FAT3: variants seen among roughly 807,000 people sequenced by gnomAD.
FAT3 encodes protocadherin Fat 3.
In FAT3, 95 loss-of-function variants were observed where a neutral mutation model predicts 310.2. The observed-to-expected ratio is 0.31, with a 90% CI of 0.26 to 0.36. FAT3 has a LOEUF of 0.36. Ranked by LOEUF, FAT3 falls within the 10% of genes least tolerant of loss-of-function variation. The pLI is 1.00. For missense variants in FAT3, 5,408 were observed against 5,715.6 expected, an observed-to-expected ratio of 0.95 and a Z score of 1.74; for synonymous variants, 2,314 against 2,192.9, an observed-to-expected ratio of 1.06 and a Z score of -1.54.
chr11:92,643,020 A>C (rs1942021902), intron 3 of FAT3, among the ~76,000 whole-genome samples: 1 of 152,236 alleles, frequency 6.6e-6, no homozygotes, highest in Non-Finnish European at 1.5e-5. Flanking sequence ...ACATTATTTC[A>C]GCCTCAGGAT....
intron 3 of FAT3, among the ~76,000 whole-genome samples, chr11:92,618,769 A>G (rs1165104241): frequency 1.3e-5 from 2 of 151,900 alleles, no homozygotes; most frequent in East Asian, 1.9e-4. Flanking sequence ...TCTTCTATAT[A>G]CAAAATCATG....
intron 2 of FAT3, among the ~76,000 whole-genome samples, chr11:92,359,831 AG>A (rs1466444793): frequency 7.0e-6 from 1 of 142,614 alleles, no homozygotes; most frequent in Non-Finnish European, 1.5e-5. Flanking sequence ...ATGGCTGCAT[AG>A]TATTCCATGG....
chr11:92,511,373 C>A (rs1028673083), intron 2 of FAT3, among the ~76,000 whole-genome samples: 1 of 151,794 alleles, frequency 6.6e-6, no homozygotes, highest in Admixed American at 6.6e-5. Context: ...CTGGTTGACT[C>A]TTCTTTTTTT....
rs543948705 is a variant in FAT3, at chr11:92,348,272, C to T, written c.-17-3824C>T. On this transcript the variant is annotated intron_variant, in intron 1 of 27. Coordinates refer to ENST00000525166, the MANE Select transcript of FAT3 (RefSeq NM_001367949.2). ...TGAATTTCAGTATGTGATAATACTA[C>T]TCCATTTATGCTTGTTTTGAAATAT... 2.6e-5 allele frequency among the ~76,000 whole-genome samples: 4 copies of T among 152,180 alleles called. No homozygotes were observed. The South Asian group carries it at 8.3e-4, about 32-fold the overall frequency.
chr11:92,421,383 T>C (rs566111960), intron 2 of FAT3, among the ~76,000 whole-genome samples: 1 of 152,338 alleles, frequency 6.6e-6, no homozygotes, highest in South Asian at 2.1e-4. Context: ...TCTGGTTCTG[T>C]ATTAGGAGGT....
intron 19 of FAT3, among the ~76,000 whole-genome samples, chr11:92,850,650 G>A (rs1041446698): frequency 6.6e-6 from 1 of 152,214 alleles, no homozygotes; most frequent in Non-Finnish European, 1.5e-5. Flanking sequence ...GGCATGGGAT[G>A]TTTACCATTA....
intron 2 of FAT3, among the ~76,000 whole-genome samples, chr11:92,502,040 G>A (rs1224540485): frequency 6.6e-6 from 1 of 151,946 alleles, no homozygotes; most frequent in African/African-American, 2.4e-5. Flanking sequence ...GTAATCACAT[G>A]CTTTTTACAT....
chr11:92,468,847 G>T (rs1175461895), intron 2 of FAT3, among the ~76,000 whole-genome samples: 1 of 152,200 alleles, frequency 6.6e-6, no homozygotes, highest in African/African-American at 2.4e-5. Context: ...TACAGTTGAA[G>T]ATGAGATTTG....
At chr11:92,275,803 A>T (rs1946252967) in intron 1 of FAT3, among the ~76,000 whole-genome samples, 1 of 152,070 alleles carries the variant, frequency 6.6e-6, no homozygotes, top group Non-Finnish European at 1.5e-5. Context: ...ATGTACATTT[A>T]TGCTTGCTTA....
At chr11:92,481,812 G>T (rs138075884) in intron 2 of FAT3, among the ~76,000 whole-genome samples, 1 of 152,014 alleles carries the variant, frequency 6.6e-6, no homozygotes, top group Admixed American at 6.6e-5. Context: ...AAGACTATTC[G>T]GAATAAGTTT....
rs2136182531 is a variant in FAT3, at chr11:92,799,443, G to A, written c.6430G>A (p.Ala2144Thr). Residue 2144 changes from alanine (A) to threonine (T), a missense_variant, in exon 10 of 28, where the codon GCA becomes ACA. By Grantham distance (58) the Ala-to-Thr change is moderately conservative (BLOSUM62 0). This residue lies in a region of FAT3 where 4,588 missense variants were observed against 4,809.8 expected (regional missense o/e 0.95). Transcript: ENST00000525166. Reference protein sequence around the residue: ...PNSGNVILKEAFNSDLSNIEY... With the variant: ...PNSGNVILKETFNSDLSNIEY... ...TTCAGGGAATGTTATTTTAAAGGAA[G>A]CATTCAACTCTGACTTGTCCAACAT... 11 of 1,613,616 alleles carry A rather than the reference G, an allele frequency of 6.8e-6. No homozygotes were observed. Among genetic ancestry groups the A allele is most frequent in the Non-Finnish European group, 9.3e-6 (11 of 1,179,766 alleles).
chr11:92,831,647 C>A lies in FAT3; in HGVS notation c.9507C>A (p.Ser3169=). ...GCATCAATAGGAAGGTCGTGTACTCCCTGGCAGACTCAGCTGGTGGGGTCT... is the reference window on the plus strand; with the variant it reads ...GCATCAATAGGAAGGTCGTGTACTCACTGGCAGACTCAGCTGGTGGGGTCT... ...DIGINRKVVY[S]LADSAGGVFS... Residue 3169 remains serine (S), a synonymous_variant, in exon 14 of 28, where the codon TCC becomes TCA. Coordinates refer to ENST00000525166, the MANE Select transcript of FAT3 (RefSeq NM_001367949.2). 1 of 1,612,882 alleles carries A rather than the reference C, an allele frequency of 6.2e-7. No homozygotes were observed. Among genetic ancestry groups the A allele is most frequent in the Non-Finnish European group, 8.5e-7 (1 of 1,179,634 alleles).
chr11:92,755,215 T>TTTTGTTTGTTTGTTTGTTTGTTTG (rs71305390), intron 4 of FAT3, among the ~76,000 whole-genome samples: 3 of 151,316 alleles, frequency 2.0e-5, no homozygotes, highest in African/African-American at 7.3e-5. Flanking sequence ...AGAGAGTAGT[T>TTTTGTTTGTTTGTTTGTTTGTTTG]TTTGTTTGTT....
intron 2 of FAT3, among the ~76,000 whole-genome samples, chr11:92,500,246 A>G (rs1199946348): frequency 6.6e-6 from 1 of 152,048 alleles, no homozygotes; most frequent in African/African-American, 2.4e-5. Context: ...ATTGTATTGG[A>G]CCATACAGTA....
chr11:92,575,849 A>G lies in FAT3; in HGVS notation c.3607+50901A>G, dbSNP rs138667382. Among the ~76,000 whole-genome samples the G allele has an allele frequency of 5.7e-3, 867 of 152,126 alleles. 7 individuals carry two copies. Among genetic ancestry groups the G allele is most frequent in the African/African-American group, 8.0e-3 (334 of 41,510 alleles). On this transcript the variant is annotated intron_variant, in intron 3 of 27. Coordinates refer to ENST00000525166, the MANE Select transcript of FAT3 (RefSeq NM_001367949.2). ...AGGCTTTTCTTCAGGACTGTTTTCT[A>G]TTTTTTGAGACTAGGAATAGAAAGG...
chr11:92,853,990 T>C (rs1446255580), intron 19 of FAT3, among the ~76,000 whole-genome samples: 6 of 152,132 alleles, frequency 3.9e-5, no homozygotes, highest in Non-Finnish European at 7.4e-5. Context: ...ATCTGCCTCC[T>C]GCCACCATCA....
At chr11:92,401,304 G>C (rs1405121831) in intron 2 of FAT3, among the ~76,000 whole-genome samples, 1 of 152,150 alleles carries the variant, frequency 6.6e-6, no homozygotes, top group African/African-American at 2.4e-5. Flanking sequence ...TGCTCAGTAA[G>C]AGGACCCTCA....
chr11:92,321,333 A>G (rs1476976103), intron 1 of FAT3, among the ~76,000 whole-genome samples: 2 of 151,864 alleles, frequency 1.3e-5, no homozygotes, highest in African/African-American at 4.8e-5. Flanking sequence ...GCTCCTTGGG[A>G]GGCTGAGGCA....
chr11:92,330,969 T>TGG (rs1423840258), intron 1 of FAT3, among the ~76,000 whole-genome samples: 4 of 99,022 alleles, frequency 4.0e-5, no homozygotes, highest in African/African-American at 6.0e-5. Context: ...GTAAAGGGTG[T>TGG]GTGTGTGTGT....
Sources: allele counts gnomAD v4.1 joint callset (sites outside exome capture counted in the v4.1 genomes callset), GRCh38; gene constraint gnomAD v4.1.1; regional missense constraint gnomAD v4.1.1; transcripts MANE v1.5; gene names NCBI Gene and HGNC (gene_info 2026-07-23, HGNC 2026-07-21).